The following SLC12A5 variants were observed in gnomAD, a reference collection of about 807,000 sequenced individuals.
SLC12A5 encodes solute carrier family 12 member 5.
A neutral mutation model predicts 124.0 loss-of-function variants in SLC12A5; 18 were observed. The ratio of observed to expected loss-of-function variants is 0.15; its 90% confidence interval spans 0.10 to 0.22. The LOEUF is 0.22. SLC12A5 is among the 10% of genes least tolerant of loss of function. SLC12A5 has a pLI of 1.00. For missense variants in SLC12A5, 867 were observed against 1,478.7 expected, an observed-to-expected ratio of 0.59 and a Z score of 6.78; for synonymous variants, 589 against 568.0, an observed-to-expected ratio of 1.04 and a Z score of -0.53.
upstream of SLC12A5, among the ~76,000 whole-genome samples, chr20:46,025,373 C>G (rs1262051468): frequency 6.6e-6 from 1 of 152,188 alleles, no homozygotes; most frequent in East Asian, 1.9e-4. Flanking sequence ...TGCCCGGTAC[C>G]TCAGCCCAAG....
chr20:46,042,330 A>G (rs1193240944), intron 8 of SLC12A5, among the ~76,000 whole-genome samples: 1 of 152,058 alleles, frequency 6.6e-6, no homozygotes, highest in Non-Finnish European at 1.5e-5. Context: ...GCTAATGTGG[A>G]TGGGTTAAAG....
chr20:46,039,939 T>C (rs2084531411), intron 6 of SLC12A5, among the ~76,000 whole-genome samples: 2 of 152,178 alleles, frequency 1.3e-5, no homozygotes, highest in South Asian at 4.1e-4. Flanking sequence ...TATTAGAAAT[T>C]ATTAAAATGA....
Position 46,045,208 on chromosome 20 carries a change from A to G in SLC12A5, c.1569+68A>G, listed in dbSNP as rs2084584228. On this transcript the variant is annotated intron_variant, in intron 12 of 25. Transcript: ENST00000243964. This position sits in a 1 kb window ranked among gnomAD's most constrained non-coding sequence, Gnocchi z 4.9. Reference sequence around the variant, plus strand: ...AGGCCCCTGCCCAGAGAGACCACACAGTGACCCAGGGCCATAACCAGCCTT... The same window carrying G: ...AGGCCCCTGCCCAGAGAGACCACACGGTGACCCAGGGCCATAACCAGCCTT... The G allele has an allele frequency of 2.0e-6, 3 of 1,497,982 alleles. No homozygotes were observed. Among genetic ancestry groups the G allele is most frequent in the African/African-American group, 1.4e-5 (1 of 71,866 alleles). The allele number at this position is 1,497,982 out of a possible 1,614,324, so 92.8% of individuals were successfully genotyped here.
intron 9 of SLC12A5, 56 bp downstream of exon 9, chr20:46,043,379 A>G (rs2084565250): frequency 6.4e-7 from 1 of 1,573,646 alleles, no homozygotes; most frequent in South Asian, 1.1e-5. Context: ...GGGAAGAGAG[A>G]GTCGATGATG....
rs775079350 is a variant in SLC12A5 at position 46,034,940 on chromosome 20, C to T, written c.53-8C>T. 1 of 1,613,772 alleles carries T rather than the reference C, an allele frequency of 6.2e-7. No homozygotes were observed. The highest frequency in any genetic ancestry group is 8.5e-7 in the Non-Finnish European group (1 of 1,179,822). On this transcript the variant is annotated splice_region_variant and splice_polypyrimidine_tract_variant and intron_variant, in intron 1 of 25. Transcript: ENST00000243964. ...GGTTCCAGATCCCTGACCCCTCTCC[C>T]TTCTCAGGTGATGGCAACCCCAAGG...
At chr20:46,029,025 G>A (rs1196426157), upstream of SLC12A5, 8 of 792,718 alleles carry the variant, frequency 1.0e-5, no homozygotes, top group South Asian at 2.4e-4. Flanking sequence ...TGTGCAAGGG[G>A]GCCACTAGTC....
chr20:46,026,166 T>A (rs2084397029), upstream of SLC12A5, among the ~76,000 whole-genome samples: 1 of 152,184 alleles, frequency 6.6e-6, no homozygotes, highest in Non-Finnish European at 1.5e-5. Flanking sequence ...ATTTATAATA[T>A]CTCTTCCAGT....
intron 1 of SLC12A5, among the ~76,000 whole-genome samples, chr20:46,034,631 C>A (rs1437980899): frequency 1.3e-5 from 2 of 152,140 alleles, no homozygotes. Context: ...CATGCCTCCA[C>A]CCCAAACACC....
exon 2 of SLC12A5, chr20:46,022,948 G>GAGGAGGAGGAGA (rs1348663761): frequency 2.6e-5 from 9 of 342,482 alleles, no homozygotes; most frequent in Non-Finnish European, 4.3e-5. Context: ...GCGAGGGGAG[G>GAGGAGGAGGAGA]AGGAGGAGGA....
At position 46,047,957 on chromosome 20, in the gene SLC12A5, T is replaced by C. The variant is rs751470253; in HGVS notation, c.1908-24T>C. ...GCCCCCTCCTGGCTTTCTGCTCTCATGTGATCCACTTCCCGGCTCCCAGGG... is the reference window on the plus strand; with the variant it reads ...GCCCCCTCCTGGCTTTCTGCTCTCACGTGATCCACTTCCCGGCTCCCAGGG... On this transcript the variant is annotated intron_variant, in intron 15 of 25. Coordinates refer to ENST00000243964, the MANE Select transcript of SLC12A5 (RefSeq NM_020708.5). 1.9e-6 allele frequency: 3 copies of C among 1,588,222 alleles called. No homozygotes were observed. In the Admixed American group the frequency reaches 5.3e-5, roughly 28 times the overall value.
chr20:46,027,791 T>C (rs991927127), upstream of SLC12A5: 4 of 152,214 alleles, frequency 2.6e-5, no homozygotes, highest in Non-Finnish European at 5.9e-5. Flanking sequence ...GCAAACTGGA[T>C]GCTAGACCAA....
Position 46,058,137 on chromosome 20 carries a change from T to G in SLC12A5, c.*532T>G. The G allele has an allele frequency of 1.0e-5, 2 of 199,320 alleles. No homozygotes were observed. Among genetic ancestry groups the G allele is most frequent in the African/African-American group, 2.3e-5 (1 of 43,398 alleles). The allele number at this position is 199,320 out of a possible 1,614,324, so 12.3% of individuals were successfully genotyped here. A position where few individuals can be genotyped will look rare whatever the true frequency, so the allele number is the denominator to read the frequency against. On this transcript the variant is annotated 3_prime_UTR_variant, in exon 26 of 26. Transcript: ENST00000243964. This position sits in a 1 kb window ranked among gnomAD's most constrained non-coding sequence, Gnocchi z 5.8. ...GCCTATACATAGTGTACAGGAGACA[T>G]CGCGTGTATTTTTAACGTCCCCATA...
In SLC12A5 at chr20:46,056,632, C is replaced by A; in HGVS notation, c.3110+68C>A. The A allele has an allele frequency of 1.3e-6, 2 of 1,514,888 alleles. No homozygotes were observed. The highest frequency in any genetic ancestry group is 8.9e-7 in the Non-Finnish European group (1 of 1,117,676). The allele number at this position is 1,514,888 out of a possible 1,614,324, so 93.8% of individuals were successfully genotyped here. A position where few individuals can be genotyped will look rare whatever the true frequency, so the allele number is the denominator to read the frequency against. The stretch of plus-strand genomic sequence containing the variant: ...AAGGGTCTTGCTCCCCATGGCAGAG[C>A]AAGAGAGCAGAAGGCATCCTGGTCT... On this transcript the variant is annotated intron_variant, in intron 23 of 25. Coordinates refer to ENST00000243964, the MANE Select transcript of SLC12A5 (RefSeq NM_020708.5). This position sits in a 1 kb window ranked among gnomAD's most constrained non-coding sequence, Gnocchi z 4.3.
Position 46,054,964 on chromosome 20 carries a change from G to T in SLC12A5, c.2728G>T (p.Glu910Ter). 6.2e-7 allele frequency: 1 copy of T among 1,614,046 alleles called. No individual in the cohort carries two copies. Among genetic ancestry groups the T allele is most frequent in the Non-Finnish European group, 8.5e-7 (1 of 1,180,008 alleles). Residue 910 changes from glutamate to a stop codon, truncating the protein, a stop_gained, in exon 21 of 26, where the codon GAG becomes TAG. Transcript: ENST00000243964. LOFTEE classifies it high-confidence loss of function. ...CACCTATGAGAAGACGTTGGTGATG[G>T]AGCAGCGTTCCCAGATCCTCAAACA... is the stretch of plus-strand genomic sequence containing the variant. The part of the protein sequence containing the change: ...AYTYEKTLVM[E>*]QRSQILKQMH...
chr20:46,029,410 C>T lies in SLC12A5; in HGVS notation c.52+14C>T, dbSNP rs2084425090. 7.3e-6 allele frequency: 11 copies of T among 1,505,354 alleles called. No individual in the cohort carries two copies. Among genetic ancestry groups the T allele is most frequent in the Non-Finnish European group, 8.9e-6 (10 of 1,119,744 alleles). The allele number at this position is 1,505,354 out of a possible 1,614,324, so 93.2% of individuals were successfully genotyped here. On this transcript the variant is annotated intron_variant, in intron 1 of 25. Coordinates refer to ENST00000243964, the MANE Select transcript of SLC12A5 (RefSeq NM_020708.5). The stretch of plus-strand genomic sequence containing the variant: ...GAGCCAACCCGGGTAAGCTGTGGTC[C>T]GGGGGCGGCGGGGGAGGGGGCAGCG...
At position 46,043,700 on chromosome 20, in the gene SLC12A5, C is replaced by A. The variant is rs1298275401; in HGVS notation, c.1305C>A (p.Thr435=). The A allele has an allele frequency of 6.2e-7, 1 of 1,614,090 alleles. No homozygotes were observed. Among genetic ancestry groups the A allele is most frequent in the Non-Finnish European group, 8.5e-7 (1 of 1,180,044 alleles). The change falls in exon 10 of 26, where the codon ACC becomes ACA. Residue 435 remains threonine (T), a synonymous_variant. Coordinates refer to ENST00000243964, the MANE Select transcript of SLC12A5 (RefSeq NM_020708.5). ...CCCAGAAGTCAATCCCCACTGGCAC[C>A]ATCCTGGCCATCGCCACCACCTCTG... is the stretch of plus-strand genomic sequence containing the variant. The part of the protein sequence containing the change: ...RDAQKSIPTG[T]ILAIATTSAV...
chr20:46,039,401 A>T (rs1252583533), intron 6 of SLC12A5, among the ~76,000 whole-genome samples: 2 of 152,240 alleles, frequency 1.3e-5, no homozygotes, highest in Non-Finnish European at 2.9e-5. Context: ...AAATGAGATA[A>T]TGAGACATAT....
chr20:46,045,830 T>G lies in SLC12A5; in HGVS notation c.1570-48T>G. ...GGTTCCCGAGGCTAGGGGAGAGGGC[T>G]GAGAAATCCTTGAGGTCTCAGTCCC... On this transcript the variant is annotated intron_variant, in intron 12 of 25. Transcript: ENST00000243964. This position sits in a 1 kb window ranked among gnomAD's most constrained non-coding sequence, Gnocchi z 4.9. 9 of 1,523,894 alleles carry G rather than the reference T, an allele frequency of 5.9e-6. No homozygotes were observed. The highest frequency in any genetic ancestry group is 8.2e-6 in the Non-Finnish European group (9 of 1,100,144). The allele number at this position is 1,523,894 out of a possible 1,614,324, so 94.4% of individuals were successfully genotyped here. A position where few individuals can be genotyped will look rare whatever the true frequency, so the allele number is the denominator to read the frequency against.
Position 46,057,662 on chromosome 20 carries a change from C to A in SLC12A5, c.*57C>A. 3 of 1,311,174 alleles carry A rather than the reference C, an allele frequency of 2.3e-6. No individual in the cohort carries two copies. The highest frequency in any genetic ancestry group is 3.2e-6 in the Non-Finnish European group (3 of 947,194). The allele number at this position is 1,311,174 out of a possible 1,614,324, so 81.2% of individuals were successfully genotyped here. A position where few individuals can be genotyped will look rare whatever the true frequency, so the allele number is the denominator to read the frequency against. On this transcript the variant is annotated 3_prime_UTR_variant, in exon 26 of 26. Coordinates refer to ENST00000243964, the MANE Select transcript of SLC12A5 (RefSeq NM_020708.5). The surrounding 1 kb of genome is among the most constrained non-coding windows in gnomAD (Gnocchi z 7.1). Reference sequence around the variant, plus strand: ...GCCCGGCCCGCGGCTCCGGAGCCCTCGCCGCGCCCCCCGCCGCTGTCACCG... The same window carrying A: ...GCCCGGCCCGCGGCTCCGGAGCCCTAGCCGCGCCCCCCGCCGCTGTCACCG...
Sources: allele counts gnomAD v4.1 joint callset (sites outside exome capture counted in the v4.1 genomes callset), GRCh38; gene constraint gnomAD v4.1.1; non-coding constraint Gnocchi (gnomAD v3.1); transcripts MANE v1.5; gene names NCBI Gene and HGNC (gene_info 2026-07-23, HGNC 2026-07-21).